TXNL4A: variants seen among roughly 807,000 people sequenced by gnomAD.
TXNL4A encodes thioredoxin like 4A, also known as thioredoxin-like protein 4A.
In TXNL4A, 17 loss-of-function variants were observed where a neutral mutation model predicts 14.6. The ratio of observed to expected loss-of-function variants is 1.16; its 90% CI spans 0.80 to 1.74. TXNL4A has a LOEUF of 1.74. TXNL4A is among the 40% of genes most tolerant of loss of function. TXNL4A has a pLI of 0.00. For synonymous variants in TXNL4A, 83 were observed against 70.6 expected (o/e 1.18, Z -0.88); for missense variants, 74 against 195.2 (o/e 0.38, Z 3.70).
intron 1 of TXNL4A, among the ~76,000 whole-genome samples, chr18:79,996,248 T>C (rs2051661830): frequency 6.6e-6 from 1 of 151,948 alleles, no homozygotes; most frequent in Non-Finnish European, 1.5e-5. Flanking sequence ...CCAAATATTC[T>C]ACCCTGACAA....
At chr18:80,021,452 C>T (rs1047288498) in intron 1 of TXNL4A, among the ~76,000 whole-genome samples, 1 of 152,150 alleles carries the variant, frequency 6.6e-6, no homozygotes, top group South Asian at 2.1e-4. Context: ...GCTGGGATTA[C>T]AGGCATGAGC....
chr18:80,007,536 C>G (rs1222597284), intron 1 of TXNL4A, among the ~76,000 whole-genome samples: 4 of 151,844 alleles, frequency 2.6e-5, no homozygotes, highest in Non-Finnish European at 4.4e-5. Flanking sequence ...TTAGGCCAGG[C>G]AGGCCCAGGC....
At chr18:80,014,631 GC>G (rs1405706774) in intron 1 of TXNL4A, among the ~76,000 whole-genome samples, 2 of 152,184 alleles carry the variant, frequency 1.3e-5, no homozygotes, top group African/African-American at 4.8e-5. Context: ...TTGAGTGTCT[GC>G]TACACGCCAT....
intron 1 of TXNL4A, among the ~76,000 whole-genome samples, chr18:80,010,251 T>C (rs2051760975): frequency 6.6e-6 from 1 of 152,122 alleles, no homozygotes; most frequent in South Asian, 2.1e-4. Flanking sequence ...GGGTGGCCAC[T>C]ATGAGTCCCG....
At chr18:79,989,456 G>A (rs2051608694), upstream of TXNL4A, among the ~76,000 whole-genome samples, 1 of 152,098 alleles carries the variant, frequency 6.6e-6, no homozygotes, top group Admixed American at 6.6e-5. Flanking sequence ...CCACCTCCAG[G>A]ACTGATCTGG....
At chr18:79,974,011 T>A (rs898826426) in intron 2 of TXNL4A, among the ~76,000 whole-genome samples, 155 bp from the exon 3 acceptor site, 1 of 152,210 alleles carries the variant, frequency 6.6e-6, no homozygotes, top group Non-Finnish European at 1.5e-5. Context: ...TGCAGGAGAA[T>A]ACAGGAAGCA....
intron 1 of TXNL4A, among the ~76,000 whole-genome samples, chr18:80,010,514 C>T (rs1418847772): frequency 2.6e-5 from 4 of 152,152 alleles, no homozygotes; most frequent in Middle Eastern, 3.4e-3. Context: ...AGAGGGCAGA[C>T]GTACAGTCCA....
At chr18:79,983,174 T>G (rs533589182) in intron 1 of TXNL4A, among the ~76,000 whole-genome samples, 20 of 152,224 alleles carry the variant, frequency 1.3e-4, no homozygotes, top group South Asian at 1.2e-3. Context: ...CTAAGTTTTG[T>G]ATTTTTAGTA....
intron 1 of TXNL4A, among the ~76,000 whole-genome samples, chr18:79,985,120 T>C (rs957698409): frequency 3.3e-5 from 5 of 150,044 alleles, no homozygotes; most frequent in Non-Finnish European, 4.4e-5. Context: ...TCTCCTGTGA[T>C]GGTGTTCCTA....
chr18:79,986,042 CT>C (rs10541649), intron 1 of TXNL4A, among the ~76,000 whole-genome samples: 64,490 of 146,804 alleles, frequency 0.44, 13,955 homozygotes, highest in Non-Finnish European at 0.5. Context: ...CAGGTGTGCA[CT>C]TTTTTTTTTT....
intron 1 of TXNL4A, among the ~76,000 whole-genome samples, chr18:79,987,245 T>C (rs1451767741): frequency 6.6e-6 from 1 of 152,220 alleles, no homozygotes; most frequent in Non-Finnish European, 1.5e-5. Flanking sequence ...AGTTCCTAAC[T>C]TCATGCCTCT....
At chr18:79,975,533 T>TG (rs1353103741) in intron 2 of TXNL4A, among the ~76,000 whole-genome samples, 1 of 152,158 alleles carries the variant, frequency 6.6e-6, no homozygotes, top group South Asian at 2.1e-4. Flanking sequence ...CTGCACGCTG[T>TG]GGGGGGCAGA....
intron 1 of TXNL4A, among the ~76,000 whole-genome samples, chr18:80,009,425 A>G (rs1463595430): frequency 6.6e-6 from 1 of 151,970 alleles, no homozygotes; most frequent in African/African-American, 2.4e-5. Flanking sequence ...TTAGCTGTGC[A>G]CTCCTGTTGT....
intron 1 of TXNL4A, among the ~76,000 whole-genome samples, chr18:80,029,908 A>C (rs985901428): frequency 6.6e-6 from 1 of 152,248 alleles, no homozygotes; most frequent in Admixed American, 6.5e-5. Flanking sequence ...TTCCTTTCAT[A>C]GTGTGCTCCA....
chr18:80,015,887 T>C (rs113145375), intron 1 of TXNL4A, among the ~76,000 whole-genome samples: 53,288 of 127,060 alleles, frequency 0.42, 9,841 homozygotes, highest in East Asian at 0.65. Context: ...AGTAATGGGA[T>C]GGCTGGGTCA....
intron 1 of TXNL4A, 197 bp from the exon 2 acceptor site, chr18:79,977,898 G>A (rs1195687570): frequency 1.8e-6 from 1 of 555,018 alleles, no homozygotes; most frequent in East Asian, 3.0e-5. Flanking sequence ...CGACCTCCCA[G>A]GCTCAAGCTA....
rs537437378 is a variant in TXNL4A at position 80,028,000 on chromosome 18, T to A, written c.-61+5851A>T. On this transcript the variant is annotated intron_variant, in intron 1 of 2. Coordinates refer to the TXNL4A transcript ENST00000585474. ...CATACTTAAAAAATGAACAAACTGATCCCATCTTGTGGACTCTTGAGGGAC... is the reference window on the plus strand; with the variant it reads ...CATACTTAAAAAATGAACAAACTGAACCCATCTTGTGGACTCTTGAGGGAC... Among the ~76,000 whole-genome samples, 363 of 152,286 alleles carry A rather than the reference T, an allele frequency of 2.4e-3. 1 individual carries two copies. Among genetic ancestry groups the A allele is most frequent in the African/African-American group, 8.5e-3 (352 of 41,560 alleles).
intron 1 of TXNL4A, among the ~76,000 whole-genome samples, chr18:80,010,076 C>T (rs554939720): frequency 1.2e-4 from 19 of 152,250 alleles, no homozygotes; most frequent in African/African-American, 2.2e-4. Flanking sequence ...CCAGTTATTA[C>T]GCAATGCACC....
chr18:79,975,455 G>A (rs1423310080), intron 2 of TXNL4A, among the ~76,000 whole-genome samples: 1 of 152,208 alleles, frequency 6.6e-6, no homozygotes, highest in African/African-American at 2.4e-5. Flanking sequence ...GGCTGCTCCC[G>A]CCACCCAAGG....
Sources: allele counts gnomAD v4.1 joint callset (sites outside exome capture counted in the v4.1 genomes callset), GRCh38; gene constraint gnomAD v4.1.1; transcripts MANE v1.5; gene names NCBI Gene and HGNC (gene_info 2026-07-23, HGNC 2026-07-21).